Variants in CTIF observed in about 807,000 individuals in gnomAD.
The protein encoded by CTIF is cap binding complex dependent translation initiation factor.
In CTIF, 21 loss-of-function variants were observed where a neutral mutation model predicts 66.0. That is an observed-to-expected ratio of 0.32 (90% CI 0.23 to 0.46). The LOEUF (loss-of-function observed/expected upper bound fraction) is 0.46, where lower values mean the gene tolerates loss of function less well. Among genes scored for constraint, CTIF ranks in the 20% least tolerant of loss-of-function variants. CTIF has a pLI of 1.00. For missense variants in CTIF, 739 were observed against 812.7 expected, an observed-to-expected ratio of 0.91 and a Z score of 1.10; for synonymous variants, 345 against 326.4, an observed-to-expected ratio of 1.06 and a Z score of -0.62.
chr18:48,679,006 TG>T (rs1367604888), intron 6 of CTIF, among the ~76,000 whole-genome samples: 1 of 152,248 alleles, frequency 6.6e-6, no homozygotes, highest in Non-Finnish European at 1.5e-5. Flanking sequence ...ACTTGCTGTG[TG>T]GACCCTATCG....
At chr18:48,856,964 C>G (rs2069341900) in intron 10 of CTIF, among the ~76,000 whole-genome samples, 1 of 152,176 alleles carries the variant, frequency 6.6e-6, no homozygotes, top group Non-Finnish European at 1.5e-5. Flanking sequence ...CCAGGCAAGT[C>G]GGGGGAAGCA....
intron 1 of CTIF, among the ~76,000 whole-genome samples, chr18:48,559,793 CTG>C (rs1271530177): frequency 6.6e-6 from 1 of 152,014 alleles, no homozygotes; most frequent in Non-Finnish European, 1.5e-5. Context: ...ACATTGGAGA[CTG>C]TGAAAGGTGG....
intron 1 of CTIF, among the ~76,000 whole-genome samples, chr18:48,596,765 C>T (rs2089994567): frequency 6.6e-6 from 1 of 152,164 alleles, no homozygotes; most frequent in South Asian, 2.1e-4. Context: ...CGTGAGCCAC[C>T]GCACATGTCT....
At chr18:48,554,600 A>G (rs1330293174) in intron 1 of CTIF, among the ~76,000 whole-genome samples, 1 of 152,256 alleles carries the variant, frequency 6.6e-6, no homozygotes, top group Non-Finnish European at 1.5e-5. Context: ...TGGGCTGGGA[A>G]CATGGCCCCT....
intron 10 of CTIF, among the ~76,000 whole-genome samples, chr18:48,821,158 C>T (rs1038341445): frequency 4.6e-5 from 7 of 152,218 alleles, no homozygotes; most frequent in East Asian, 1.9e-4. Flanking sequence ...TTCTGTGTGG[C>T]ACCCCCTCAG....
At chr18:48,668,368 G>A (rs945035370) in intron 5 of CTIF, among the ~76,000 whole-genome samples, 5 of 152,188 alleles carry the variant, frequency 3.3e-5, no homozygotes, top group African/African-American at 1.2e-4. Context: ...CCAGGCGGGT[G>A]CAGAACACAG....
intron 7 of CTIF, among the ~76,000 whole-genome samples, chr18:48,734,260 G>A (rs1387039819): frequency 6.6e-6 from 1 of 152,200 alleles, no homozygotes; most frequent in Non-Finnish European, 1.5e-5. Flanking sequence ...GATAATACCA[G>A]GTTAGCTACA....
In CTIF at chr18:48,859,463, C is replaced by G. The variant is rs767793286; in HGVS notation, c.1701C>G (p.Leu567=). 1.2e-6 allele frequency: 2 copies of G among 1,614,190 alleles called. No individual in the cohort carries two copies. The highest frequency in any genetic ancestry group is 1.7e-6 in the Non-Finnish European group (2 of 1,180,024). Residue 567 remains leucine, a synonymous_variant, in exon 12 of 12, where the codon CTC becomes CTG. Transcript: ENST00000256413. The part of the protein sequence containing the change: ...PSESMLTRSL[L]LEVIELHANS... ...AGTCCATGCTGACCCGGTCGCTGCTCCTAGAGGTCATCGAGCTCCACGCTA... is the reference window on the plus strand; with the variant it reads ...AGTCCATGCTGACCCGGTCGCTGCTGCTAGAGGTCATCGAGCTCCACGCTA...
chr18:48,720,375 C>G (rs541354813), intron 7 of CTIF, among the ~76,000 whole-genome samples: 1 of 152,146 alleles, frequency 6.6e-6, no homozygotes, highest in Non-Finnish European at 1.5e-5. Context: ...GTTGCTGAGG[C>G]CCTCGCAGAC....
chr18:48,818,316 T>G (rs1485438730), intron 10 of CTIF, among the ~76,000 whole-genome samples: 1 of 152,150 alleles, frequency 6.6e-6, no homozygotes, highest in Non-Finnish European at 1.5e-5. Context: ...TAGTTGAATT[T>G]CTGAGTTAGA....
chr18:48,794,976 A>G (rs955521152), intron 9 of CTIF, among the ~76,000 whole-genome samples: 2 of 152,134 alleles, frequency 1.3e-5, no homozygotes, highest in South Asian at 4.1e-4. Flanking sequence ...ATGGATGACT[A>G]TAGACTCCAC....
chr18:48,764,662 C>G lies in CTIF; in HGVS notation c.1371+2973C>G, dbSNP rs148993865. 6.1e-3 allele frequency among the ~76,000 whole-genome samples: 932 copies of G among 152,306 alleles called. 12 individuals carry two copies. The highest frequency in any genetic ancestry group is 0.022 in the African/African-American group (898 of 41,572). ...CTGAGGTTTCAGAGCAGCTCCTCCT[C>G]TCCTCCCCCACAGTGGAGGAAGCCA... On this transcript the variant is annotated intron_variant, in intron 9 of 11. Transcript: ENST00000256413.
At chr18:48,757,735 T>C (rs1391381901) in intron 7 of CTIF, among the ~76,000 whole-genome samples, 184 bp from the exon 8 acceptor site, 1 of 152,238 alleles carries the variant, frequency 6.6e-6, no homozygotes, top group South Asian at 2.1e-4. Context: ...CCGGTCTGCC[T>C]GTTCTCGGCT....
chr18:48,670,722 A>C lies in CTIF; in HGVS notation c.485A>C (p.Glu162Ala). 1 of 1,614,162 alleles carries C rather than the reference A, an allele frequency of 6.2e-7. No individual in the cohort carries two copies. Among genetic ancestry groups the C allele is most frequent in the South Asian group, 1.1e-5 (1 of 91,084 alleles). Residue 162 changes from glutamate (E) to alanine (A), a missense_variant, in exon 6 of 12, where the codon GAG (glutamate) becomes GCG (alanine). By Grantham distance (107) the Glu-to-Ala change is moderately radical. Coordinates refer to ENST00000256413, the MANE Select transcript of CTIF (RefSeq NM_014772.3). ...DGDGINLNDI[E>A]KVLPAWQGYH... ...GATGGCATCAACCTGAATGACATCG[A>C]GAAGGTCCTTCCAGCCTGGCAGGTA... is the stretch of plus-strand genomic sequence containing the variant.
In CTIF at chr18:48,591,263, AC is replaced by A. The variant is rs1295004906; in HGVS notation, c.-28-28273del. Among the ~76,000 whole-genome samples the A allele has an allele frequency of 2.6e-5, 4 of 152,166 alleles. No individual in the cohort carries two copies. In the East Asian group the frequency reaches 7.7e-4, roughly 29 times the overall value. On this transcript the variant is annotated intron_variant, in intron 1 of 11. Transcript: ENST00000256413. The stretch of plus-strand genomic sequence containing the variant: ...TCTAAGGCAGTCTTCCCATCACCCC[AC>A]CTTGTGGGTCCCAGGCTGGCTGTGG...
intron 9 of CTIF, among the ~76,000 whole-genome samples, chr18:48,763,768 C>T (rs543315349): frequency 1.3e-5 from 2 of 152,084 alleles, no homozygotes; most frequent in African/African-American, 4.8e-5. Context: ...GGAGATGAGC[C>T]GGGGTCTCGG....
intron 3 of CTIF, among the ~76,000 whole-genome samples, chr18:48,650,834 A>G (rs1191572364): frequency 6.4e-5 from 4 of 62,800 alleles, no homozygotes; most frequent in Admixed American, 6.2e-4. Context: ...ATTCTTAAAG[A>G]AAAGAATTTT....
chr18:48,844,488 C>T (rs2069024174), intron 10 of CTIF, among the ~76,000 whole-genome samples: 1 of 152,252 alleles, frequency 6.6e-6, no homozygotes. Flanking sequence ...GTGACATCCA[C>T]TGTCGCTACT....
chr18:48,797,500 G>GC (rs1316749650), intron 9 of CTIF, among the ~76,000 whole-genome samples: 1 of 149,576 alleles, frequency 6.7e-6, no homozygotes, highest in Non-Finnish European at 1.5e-5. Flanking sequence ...AAAGGGGTGG[G>GC]GGGGCAAGTT....
Sources: allele counts gnomAD v4.1 joint callset (sites outside exome capture counted in the v4.1 genomes callset), GRCh38; gene constraint gnomAD v4.1.1; transcripts MANE v1.5; gene names NCBI Gene and HGNC (gene_info 2026-07-23, HGNC 2026-07-21).